Variants in DNM3 observed in about 807,000 individuals in gnomAD.
DNM3 encodes the protein dynamin-3.
Under a neutral mutation model 101.6 loss-of-function variants are expected in DNM3, and 47 were observed. That is an observed-to-expected ratio of 0.46 (90% confidence interval 0.37 to 0.59). DNM3 has a LOEUF of 0.59. DNM3 is among the 20% of genes least tolerant of loss of function. The pLI is 0.00. For synonymous variants in DNM3, 385 were observed against 387.9 expected (o/e 0.99, Z 0.09); for missense variants, 849 against 1,085.7 (o/e 0.78, Z 3.06).
intron 15 of DNM3, among the ~76,000 whole-genome samples, chr1:172,254,874 T>A (rs559545037): frequency 6.6e-5 from 10 of 152,256 alleles, no homozygotes; most frequent in African/African-American, 2.4e-4. Context: ...AGGAAAAAGC[T>A]AATTAAAATT....
intron 14 of DNM3, among the ~76,000 whole-genome samples, chr1:172,249,128 C>A (rs762596636): frequency 6.6e-6 from 1 of 152,150 alleles, no homozygotes; most frequent in Non-Finnish European, 1.5e-5. Flanking sequence ...GAGCTATTCC[C>A]CCACACACCT....
chr1:171,915,012 G>A (rs1481072797), intron 1 of DNM3, among the ~76,000 whole-genome samples: 1 of 152,126 alleles, frequency 6.6e-6, no homozygotes, highest in Non-Finnish European at 1.5e-5. Flanking sequence ...TAGACACGAA[G>A]TCTAAGAGCA....
At chr1:171,916,906 T>C (rs2039756123) in intron 1 of DNM3, among the ~76,000 whole-genome samples, 1 of 152,208 alleles carries the variant, frequency 6.6e-6, no homozygotes, top group Admixed American at 6.5e-5. Flanking sequence ...GTCTTCCATG[T>C]CTTCGTATAT....
At position 172,388,521 on chromosome 1, in the gene DNM3, A is replaced by G. The variant is rs2069330610; in HGVS notation, c.2286-52A>G. On this transcript the variant is annotated intron_variant, in intron 19 of 20. Coordinates refer to ENST00000627582, the MANE Select transcript of DNM3 (RefSeq NM_015569.5). ...AAGTTACAAAACATTTTTAGAGATTAATTCAGACAGAAAGGAGGAGTGAGC... is the reference window on the plus strand; with the variant it reads ...AAGTTACAAAACATTTTTAGAGATTGATTCAGACAGAAAGGAGGAGTGAGC... 1.0e-5 allele frequency: 15 copies of G among 1,461,042 alleles called. No individual in the cohort carries two copies. The South Asian group carries it at 1.8e-4, about 17-fold the overall frequency. The allele number at this position is 1,461,042 out of a possible 1,614,324, so 90.5% of individuals were successfully genotyped here.
intron 14 of DNM3, among the ~76,000 whole-genome samples, chr1:172,196,481 A>G (rs759274238): frequency 6.6e-6 from 1 of 152,068 alleles, no homozygotes; most frequent in Non-Finnish European, 1.5e-5. Flanking sequence ...AGGAATCACC[A>G]TACTGCTTTC....
intron 14 of DNM3, among the ~76,000 whole-genome samples, chr1:172,163,933 A>C (rs2058647471): frequency 6.8e-6 from 1 of 148,098 alleles, no homozygotes; most frequent in South Asian, 2.1e-4. Context: ...GCATGTGCAT[A>C]TATACACATG....
intron 16 of DNM3, among the ~76,000 whole-genome samples, chr1:172,314,565 A>G (rs975599305): frequency 1.3e-5 from 2 of 152,202 alleles, no homozygotes; most frequent in African/African-American, 4.8e-5. Flanking sequence ...GGCTTAGGAA[A>G]CGGTGCACCA....
intron 14 of DNM3, among the ~76,000 whole-genome samples, chr1:172,160,739 A>T (rs1457586442): frequency 2.6e-5 from 4 of 152,240 alleles, no homozygotes; most frequent in Non-Finnish European, 4.4e-5. Context: ...TAAATATACA[A>T]TTCAATAGCA....
chr1:171,953,614 A>G (rs570233963), intron 2 of DNM3, among the ~76,000 whole-genome samples: 1 of 152,004 alleles, frequency 6.6e-6, no homozygotes, highest in East Asian at 1.9e-4. Context: ...TTTTTAGTAG[A>G]GATGGGGTTT....
intron 19 of DNM3, among the ~76,000 whole-genome samples, chr1:172,387,789 G>A (rs925783524): frequency 1.3e-5 from 2 of 152,108 alleles, no homozygotes; most frequent in Non-Finnish European, 2.9e-5. Context: ...TTTACATTCA[G>A]GAGTAAGGAT....
At chr1:172,073,084 A>T (rs1382062542) in intron 11 of DNM3, among the ~76,000 whole-genome samples, 3 of 76,828 alleles carry the variant, frequency 3.9e-5, no homozygotes, top group Non-Finnish European at 1.2e-4. Flanking sequence ...AGAAATATTA[A>T]AAAAAATTAA....
chr1:172,091,181 C>T (rs1235087690), intron 12 of DNM3, among the ~76,000 whole-genome samples: 3 of 152,132 alleles, frequency 2.0e-5, no homozygotes, highest in Non-Finnish European at 4.4e-5. Flanking sequence ...GGCTTTTCAT[C>T]GAACAGATAT....
intron 11 of DNM3, among the ~76,000 whole-genome samples, chr1:172,069,723 C>T (rs1173104973): frequency 2.0e-5 from 3 of 152,138 alleles, no homozygotes; most frequent in Admixed American, 6.5e-5. Context: ...GCCATGTGCT[C>T]GCCACAAAAT....
chr1:172,287,104 G>A (rs1326006160), intron 15 of DNM3, among the ~76,000 whole-genome samples: 4 of 152,192 alleles, frequency 2.6e-5, no homozygotes, highest in African/African-American at 9.6e-5. Context: ...TGAAGGCTAA[G>A]GAAAAGGGGC....
intron 10 of DNM3, among the ~76,000 whole-genome samples, chr1:172,055,872 C>T (rs982635022): frequency 1.3e-5 from 2 of 152,316 alleles, no homozygotes; most frequent in African/African-American, 4.8e-5. Context: ...CTTCGGTCTA[C>T]AGCTCCCAGC....
chr1:172,048,138 T>C (rs932057694), intron 9 of DNM3, among the ~76,000 whole-genome samples: 2 of 152,202 alleles, frequency 1.3e-5, no homozygotes, highest in Admixed American at 6.6e-5. Flanking sequence ...TATTTAGGCA[T>C]CTTGAAATAT....
rs1467215307 is a variant in DNM3, at chr1:172,206,345, A to G, written c.1660-47228A>G. ...GTGTTTTTTGAAAAAAGCACAACTC[A>G]AACAATCACACAAGTGTTTTTCCTT... On this transcript the variant is annotated intron_variant, in intron 14 of 20. Coordinates refer to ENST00000627582, the MANE Select transcript of DNM3 (RefSeq NM_015569.5). Among the ~76,000 whole-genome samples, 2 of 152,138 alleles carry G rather than the reference A, an allele frequency of 1.3e-5. 1 individual carries two copies. Among genetic ancestry groups the G allele is most frequent in the Non-Finnish European group, 2.9e-5 (2 of 68,012 alleles).
intron 4 of DNM3, among the ~76,000 whole-genome samples, chr1:172,003,914 G>A (rs2046508484): frequency 6.6e-6 from 1 of 151,874 alleles, no homozygotes. Context: ...GCAGCACTGG[G>A]GGACTCTATT....
chr1:172,315,800 T>A (rs1293898083), intron 16 of DNM3, among the ~76,000 whole-genome samples: 1 of 152,062 alleles, frequency 6.6e-6, no homozygotes, highest in African/African-American at 2.4e-5. Flanking sequence ...TGGAACCAAG[T>A]TAGAAAACAT....
Sources: gnomAD v4.1 joint callset for allele counts (sites outside exome capture counted in the v4.1 genomes callset) on GRCh38, gnomAD v4.1.1 for gene constraint, MANE v1.5 for transcripts, NCBI Gene and HGNC (gene_info 2026-07-23, HGNC 2026-07-21) for gene names.